Variants in WWOX observed in about 807,000 individuals in gnomAD.
WWOX encodes the protein WW domain-containing oxidoreductase.
A neutral mutation model predicts 46.2 loss-of-function variants in WWOX; 69 were observed. The ratio of observed to expected loss-of-function variants is 1.49; its 90% CI spans 1.23 to 1.82. The LOEUF (loss-of-function observed/expected upper bound fraction) is 1.82. Ranked by LOEUF, WWOX falls within the 40% of genes most tolerant of loss-of-function variation. The pLI, the probability that WWOX is intolerant of heterozygous loss-of-function variation, is 0.00. For synonymous variants in WWOX, 359 were observed against 202.6 expected, an observed-to-expected ratio of 1.77 and a Z score of -6.56; for missense variants, 919 against 542.6, an observed-to-expected ratio of 1.69 and a Z score of -6.89.
At chr16:79,169,653 C>A (rs1438716661) in intron 8 of WWOX, among the ~76,000 whole-genome samples, 5 of 152,204 alleles carry the variant, frequency 3.3e-5, no homozygotes, top group Non-Finnish European at 7.3e-5. Context: ...CCCTAACCAA[C>A]AACTAGGAAG....
chr16:78,848,177 GT>G (rs1167746927), intron 8 of WWOX, among the ~76,000 whole-genome samples: 2 of 152,198 alleles, frequency 1.3e-5, no homozygotes, highest in Non-Finnish European at 2.9e-5. Flanking sequence ...TTTTGCAGGG[GT>G]TTAATATCCA....
At chr16:78,908,751 C>T (rs1411872871) in intron 8 of WWOX, among the ~76,000 whole-genome samples, 2 of 152,000 alleles carry the variant, frequency 1.3e-5, no homozygotes, top group East Asian at 1.9e-4. Context: ...TGAGTCAGTT[C>T]CTGGGTGGGA....
chr16:78,701,371 C>G (rs1210602161), intron 8 of WWOX, among the ~76,000 whole-genome samples: 1 of 152,092 alleles, frequency 6.6e-6, no homozygotes, highest in African/African-American at 2.4e-5. Context: ...GTCACTGTTC[C>G]TGGCCTACTT....
At chr16:78,825,682 C>T (rs1597677312) in intron 8 of WWOX, 2 of 538,172 alleles carry the variant, frequency 3.7e-6, no homozygotes, top group African/African-American at 3.8e-5. Context: ...GGCTGCCAAG[C>T]TGTGGTTTCT....
chr16:78,909,514 A>G (rs2045053748), intron 8 of WWOX, among the ~76,000 whole-genome samples: 2 of 152,190 alleles, frequency 1.3e-5, no homozygotes, highest in Admixed American at 6.5e-5. Flanking sequence ...GGCCTCCTCT[A>G]GGTCCCACGT....
At chr16:78,306,955 G>A (rs1480875533) in intron 5 of WWOX, among the ~76,000 whole-genome samples, 2 of 152,168 alleles carry the variant, frequency 1.3e-5, no homozygotes, top group African/African-American at 4.8e-5. Context: ...AGTATTATCT[G>A]TTTCATAACC....
chr16:79,042,757 C>A (rs17713923), intron 8 of WWOX, among the ~76,000 whole-genome samples: 5,497 of 143,624 alleles, frequency 0.038, 134 homozygotes, highest in South Asian at 0.06. Context: ...CTAACTTGTC[C>A]TCCTTGATCA....
intron 8 of WWOX, among the ~76,000 whole-genome samples, chr16:78,935,576 A>G (rs367893470): frequency 2.1e-5 from 3 of 145,258 alleles, no homozygotes; most frequent in Admixed American, 6.9e-5. Flanking sequence ...TGGACACAGG[A>G]AGGGGAACAT....
rs1053835555 is a variant in WWOX, at chr16:78,515,782, C to T, written c.1056+83030C>T. Among the ~76,000 whole-genome samples the T allele has an allele frequency of 3.9e-5, 6 of 152,120 alleles. 1 individual carries two copies. Among genetic ancestry groups the T allele is most frequent in the South Asian group, 4.1e-4 (2 of 4,824 alleles). On this transcript the variant is annotated intron_variant, in intron 8 of 8. Coordinates refer to ENST00000566780, the MANE Select transcript of WWOX (RefSeq NM_016373.4). ...AGTTTCTTCTGCAAAGGTAACTTAG[C>T]GGAGGGTACAGGGTCTTCTTCCAAT... is the stretch of plus-strand genomic sequence containing the variant.
At chr16:79,102,756 T>C (rs889820874) in intron 8 of WWOX, among the ~76,000 whole-genome samples, 3 of 152,212 alleles carry the variant, frequency 2.0e-5, no homozygotes, top group African/African-American at 7.2e-5. Context: ...CATGTTTAAA[T>C]TTTATTTGTT....
chr16:78,310,735 G>C (rs1426137090), intron 5 of WWOX, among the ~76,000 whole-genome samples: 1 of 152,202 alleles, frequency 6.6e-6, no homozygotes, highest in Non-Finnish European at 1.5e-5. Context: ...AGGCTTGTAA[G>C]AAAGGAGTTT....
At chr16:78,411,386 C>A (rs1480279747) in intron 6 of WWOX, among the ~76,000 whole-genome samples, 1 of 152,032 alleles carries the variant, frequency 6.6e-6, no homozygotes, top group African/African-American at 2.4e-5. Context: ...GGGAAATTTT[C>A]TTCAGTGAAA....
At position 79,062,587 on chromosome 16, in the gene WWOX, A is replaced by T. The variant is rs547669897; in HGVS notation, c.1057-149021A>T. Among the ~76,000 whole-genome samples, 5 of 152,314 alleles carry T rather than the reference A, an allele frequency of 3.3e-5. 1 individual carries two copies. The highest frequency in any genetic ancestry group is 1.2e-4 in the African/African-American group (5 of 41,568). On this transcript the variant is annotated intron_variant, in intron 8 of 8. Transcript: ENST00000566780. Reference sequence around the variant, plus strand: ...CTGATATAAAACAGCAGGGGTGGAGAGTAATGACAACTTCAAATTAGTTTA... The same window carrying T: ...CTGATATAAAACAGCAGGGGTGGAGTGTAATGACAACTTCAAATTAGTTTA...
intron 8 of WWOX, among the ~76,000 whole-genome samples, chr16:78,717,432 C>G (rs1325635848): frequency 6.6e-6 from 1 of 152,152 alleles, no homozygotes; most frequent in Non-Finnish European, 1.5e-5. Flanking sequence ...TTGTTCATTG[C>G]TATGGCTTTA....
rs554179338 is a variant in WWOX at position 79,175,336 on chromosome 16, C to G, written c.1057-36272C>G. ...TGGAGCTTAAAGACTGACCTTTTCA[C>G]TTACTGTAAGGTATCTAAGACTTCT... On this transcript the variant is annotated intron_variant, in intron 8 of 8. Coordinates refer to ENST00000566780, the MANE Select transcript of WWOX (RefSeq NM_016373.4). Among the ~76,000 whole-genome samples the G allele has an allele frequency of 4.6e-5, 7 of 152,290 alleles. No homozygotes were observed. In the East Asian group the frequency reaches 9.6e-4, roughly 21 times the overall value.
Position 78,807,684 on chromosome 16 carries a change from C to A in WWOX, c.1056+374932C>A, listed in dbSNP as rs140415042. Among the ~76,000 whole-genome samples, 517 of 152,274 alleles carry A rather than the reference C, an allele frequency of 3.4e-3. 6 individuals are homozygous for A. The highest frequency in any genetic ancestry group is 0.031 in the Admixed American group (470 of 15,304). ...GGCGCCAGCCTGTAATGGGCATCAG[C>A]TGATTCTCAGAAAGAAGAAACAACG... is the stretch of plus-strand genomic sequence containing the variant. On this transcript the variant is annotated intron_variant, in intron 8 of 8. Coordinates refer to ENST00000566780, the MANE Select transcript of WWOX (RefSeq NM_016373.4).
intron 8 of WWOX, among the ~76,000 whole-genome samples, chr16:78,797,647 G>T (rs1260662134): frequency 6.6e-6 from 1 of 152,066 alleles, no homozygotes; most frequent in African/African-American, 2.4e-5. Flanking sequence ...CAGTCTCAAG[G>T]AACTATGATA....
chr16:78,362,183 G>A (rs1038931439), intron 5 of WWOX, among the ~76,000 whole-genome samples: 5 of 152,148 alleles, frequency 3.3e-5, no homozygotes, highest in African/African-American at 1.2e-4. Context: ...TGTTAGGGAC[G>A]TGCTAATCTA....
intron 8 of WWOX, among the ~76,000 whole-genome samples, chr16:78,718,769 G>A (rs2048626146): frequency 1.3e-5 from 2 of 152,134 alleles, no homozygotes; most frequent in South Asian, 2.1e-4. Context: ...TATTCATTTA[G>A]GTGACACATA....
Sources: allele counts gnomAD v4.1 joint callset (sites outside exome capture counted in the v4.1 genomes callset), GRCh38; gene constraint gnomAD v4.1.1; transcripts MANE v1.5; gene names NCBI Gene and HGNC (gene_info 2026-07-23, HGNC 2026-07-21).